PCDHGB2: variants seen among roughly 807,000 people sequenced by gnomAD.
The protein encoded by PCDHGB2 is protocadherin gamma-B2.
In PCDHGB2, 55 loss-of-function variants were observed where a neutral mutation model predicts 59.3. The observed-to-expected ratio is 0.93, with a 90% CI of 0.75 to 1.16. The LOEUF (loss-of-function observed/expected upper bound fraction) is 1.16. PCDHGB2 is among the 50% of genes most tolerant of loss of function. The pLI is 0.00. For synonymous variants in PCDHGB2, 516 were observed against 512.0 expected (o/e 1.01, Z -0.11); for missense variants, 1,228 against 1,198.5 (o/e 1.02, Z -0.36).
rs770638374 is a variant in PCDHGB2 at position 141,409,524 on chromosome 5, A to G, written c.2421+46968A>G. On this transcript the variant is annotated intron_variant, in intron 1 of 3. Coordinates refer to ENST00000522605, the MANE Select transcript of PCDHGB2 (RefSeq NM_018923.3). ...TCTTCCAGTAGAAGCATCACCTTGTATGTCGCTGACATCAACGACAACGCC... is the reference window on the plus strand; with the variant it reads ...TCTTCCAGTAGAAGCATCACCTTGTGTGTCGCTGACATCAACGACAACGCC... 11 of 1,613,972 alleles carry G rather than the reference A, an allele frequency of 6.8e-6. No homozygotes were observed. In the South Asian group the frequency reaches 1.1e-4, roughly 16 times the overall value.
At chr5:141,409,036 C>T in intron 1 of PCDHGB2, 1 of 1,614,020 alleles carries the variant, frequency 6.2e-7, no homozygotes, top group Non-Finnish European at 8.5e-7. Context: ...CTGAGATAAA[C>T]TACTACTTCC....
intron 1 of PCDHGB2, among the ~76,000 whole-genome samples, chr5:141,445,248 T>C (rs1264046214): frequency 6.6e-6 from 1 of 152,224 alleles, no homozygotes; most frequent in African/African-American, 2.4e-5. Flanking sequence ...CACTATATTG[T>C]GTGAGAATAT....
rs774992336 is a variant in PCDHGB2, at chr5:141,409,845, T to G, written c.2421+47289T>G. The G allele has an allele frequency of 7.4e-6, 12 of 1,611,748 alleles. No homozygotes were observed. In the African/African-American group the frequency reaches 1.6e-4, roughly 22 times the overall value. On this transcript the variant is annotated intron_variant, in intron 1 of 3. Coordinates refer to ENST00000522605, the MANE Select transcript of PCDHGB2 (RefSeq NM_018923.3). ...CCCACGCTCAGCGCCAACGTGAGCCTGCGCGTGTTGGTGGGAGACCGCAAT... is the reference window on the plus strand; with the variant it reads ...CCCACGCTCAGCGCCAACGTGAGCCGGCGCGTGTTGGTGGGAGACCGCAAT...
At position 141,431,906 on chromosome 5, in the gene PCDHGB2, A is replaced by G; in HGVS notation, c.2422-62901A>G. 1 of 1,613,868 alleles carries G rather than the reference A, an allele frequency of 6.2e-7. No individual in the cohort carries two copies. Among genetic ancestry groups the G allele is most frequent in the Non-Finnish European group, 8.5e-7 (1 of 1,179,692 alleles). On this transcript the variant is annotated intron_variant, in intron 1 of 3. Transcript: ENST00000522605. This position sits in a 1 kb window ranked among gnomAD's most constrained non-coding sequence, Gnocchi z 4.8. ...AGATTCTGAGGAAAACGGACAGGTG[A>G]TCTGTTTCATCCAAGGAAATCTGCC...
At chr5:141,383,319 A>G (rs778348189) in intron 1 of PCDHGB2, 1 of 1,614,020 alleles carries the variant, frequency 6.2e-7, no homozygotes, top group Non-Finnish European at 8.5e-7. Context: ...AAATAAATGT[A>G]AAAATAATGG....
chr5:141,488,915 G>A (rs942297924), intron 1 of PCDHGB2, among the ~76,000 whole-genome samples: 12 of 152,180 alleles, frequency 7.9e-5, no homozygotes, highest in Non-Finnish European at 2.9e-5. Flanking sequence ...TGTTCCCAAG[G>A]TTTCCAGGAT....
Position 141,486,859 on chromosome 5 carries a change from T to C in PCDHGB2, c.2422-7948T>C, listed in dbSNP as rs1231188225. ...TTGTGCTGGACCTCAATGACAATGC[T>C]CCAGCTGTGCTCCGTCCTCGGGCCC... On this transcript the variant is annotated intron_variant, in intron 1 of 3. Transcript: ENST00000522605. The surrounding 1 kb of genome is among the most constrained non-coding windows in gnomAD (Gnocchi z 5.0). The C allele has an allele frequency of 1.9e-6, 3 of 1,614,242 alleles. No individual in the cohort carries two copies. The highest frequency in any genetic ancestry group is 2.7e-5 in the African/African-American group (2 of 75,072).
intron 3 of PCDHGB2, among the ~76,000 whole-genome samples, chr5:141,508,533 C>A (rs1396219805): frequency 6.6e-6 from 1 of 152,160 alleles, no homozygotes; most frequent in Non-Finnish European, 1.5e-5. Flanking sequence ...CAGGGCACCC[C>A]CCACGAGGTG....
intron 1 of PCDHGB2, chr5:141,371,301 A>T (rs199851082): frequency 6.2e-7 from 1 of 1,613,990 alleles, no homozygotes. Flanking sequence ...GGAACTCACC[A>T]CTATTGGAGA....
chr5:141,364,415 G>T (rs368621667), intron 1 of PCDHGB2: 47 of 1,612,964 alleles, frequency 2.9e-5, no homozygotes, highest in Admixed American at 1.2e-4. Flanking sequence ...GCCAGGATCC[G>T]GGCAGATCCG....
intron 1 of PCDHGB2, among the ~76,000 whole-genome samples, chr5:141,406,157 C>A: frequency 6.6e-6 from 1 of 151,124 alleles, no homozygotes. Flanking sequence ...ACTGCAGTCT[C>A]AATCTCCTGG....
At chr5:141,394,797 G>A (rs551668843) in intron 1 of PCDHGB2, 2 of 1,613,798 alleles carry the variant, frequency 1.2e-6, no homozygotes, top group Admixed American at 1.7e-5. Flanking sequence ...CACGCTCACC[G>A]TAGCCGTGGC....
intron 1 of PCDHGB2, among the ~76,000 whole-genome samples, chr5:141,445,429 C>G (rs974775529): frequency 2.6e-5 from 4 of 152,200 alleles, no homozygotes; most frequent in Non-Finnish European, 5.9e-5. Flanking sequence ...ATGCAAGGCA[C>G]TGACCTATGG....
At position 141,366,426 on chromosome 5, in the gene PCDHGB2, C is replaced by T. The variant is rs764011656; in HGVS notation, c.2421+3870C>T. On this transcript the variant is annotated intron_variant, in intron 1 of 3. Transcript: ENST00000522605. ...CTCTATCTTGTGGTGGCAGTGGCTG[C>T]AGTCTCCTGCGTCTTCCTGGCCTTC... 1.7e-5 allele frequency: 27 copies of T among 1,613,942 alleles called. No homozygotes were observed. Among genetic ancestry groups the T allele is most frequent in the Middle Eastern group, 1.6e-4 (1 of 6,084 alleles).
intron 1 of PCDHGB2, chr5:141,409,346 G>A (rs573212606): frequency 4.3e-6 from 7 of 1,613,998 alleles, no homozygotes; most frequent in South Asian, 2.2e-5. Context: ...AAATGGAGAA[G>A]TCAGGTGTAA....
At chr5:141,462,335 A>G in intron 1 of PCDHGB2, among the ~76,000 whole-genome samples, 1 of 152,220 alleles carries the variant, frequency 6.6e-6, no homozygotes, top group East Asian at 1.9e-4. Context: ...ATTTAATTGT[A>G]TTGTGATCCA....
chr5:141,408,924 T>G, intron 1 of PCDHGB2: 1 of 1,612,706 alleles, frequency 6.2e-7, no homozygotes. Flanking sequence ...AACCCCCCGG[T>G]TTTCAGCAGA....
At chr5:141,404,816 C>A in intron 1 of PCDHGB2, 1 of 1,610,374 alleles carries the variant, frequency 6.2e-7, no homozygotes, top group Non-Finnish European at 8.5e-7. Flanking sequence ...GGTGGGGCTG[C>A]ACACAGGTGA....
chr5:141,418,254 A>T (rs1217236221), intron 1 of PCDHGB2: 2 of 1,613,904 alleles, frequency 1.2e-6, no homozygotes, highest in African/African-American at 2.7e-5. Flanking sequence ...CACGCCCCTC[A>T]ATTCCGGAAA....
Sources: gnomAD v4.1 joint callset for allele counts (sites outside exome capture counted in the v4.1 genomes callset) on GRCh38, gnomAD v4.1.1 for gene constraint, Gnocchi (gnomAD v3.1) non-coding constraint, MANE v1.5 for transcripts, NCBI Gene and HGNC (gene_info 2026-07-23, HGNC 2026-07-21) for gene names.